The following TANC1 variants were observed in gnomAD, a reference collection of about 807,000 sequenced individuals.
TANC1 encodes tetratricopeptide repeat, ankyrin repeat and coiled-coil containing 1.
Under a neutral mutation model 149.7 loss-of-function variants are expected in TANC1, and 77 were observed. The ratio of observed to expected loss-of-function variants is 0.51; its 90% CI spans 0.43 to 0.62. The LOEUF (loss-of-function observed/expected upper bound fraction) is 0.62, where lower values mean the gene tolerates loss of function less well. TANC1 is among the 20% of genes least tolerant of loss of function. The probability of loss-of-function intolerance (pLI) is 0.00; values close to 1 mark genes in which losing one functional copy is unlikely to be tolerated. For synonymous variants in TANC1, 854 were observed against 925.0 expected, an observed-to-expected ratio of 0.92 and a Z score of 1.39; for missense variants, 1,985 against 2,321.8, an observed-to-expected ratio of 0.85 and a Z score of 2.98.
Position 159,230,390 on chromosome 2 carries a change from G to A in TANC1, c.4964G>A (p.Arg1655Gln), listed in dbSNP as rs774154422. Residue 1655 changes from arginine to glutamine, a missense_variant, in exon 27 of 27, where the codon CGA becomes CAA. Around this residue, in one of 3 missense-constraint regions of TANC1, gnomAD observed 920 missense variants for 994.7 expected, o/e 0.92. Coordinates refer to ENST00000263635, the MANE Select transcript of TANC1 (RefSeq NM_033394.3). The surrounding 1 kb of genome is among the most constrained non-coding windows in gnomAD (Gnocchi z 4.4). ...QGGLATCSDVRHPASLTSSGS... is the reference protein window; with the variant it reads ...QGGLATCSDVQHPASLTSSGS... ...GGGCTGGCGACCTGCAGCGACGTGCGACACCCAGCTTCCCTCACCAGCTCA... is the reference window on the plus strand; with the variant it reads ...GGGCTGGCGACCTGCAGCGACGTGCAACACCCAGCTTCCCTCACCAGCTCA... The A allele has an allele frequency of 2.4e-5, 39 of 1,613,994 alleles. No homozygotes were observed. Among genetic ancestry groups the A allele is most frequent in the African/African-American group, 4.0e-5 (3 of 74,924 alleles).
intron 19 of TANC1, among the ~76,000 whole-genome samples, chr2:159,210,758 G>C (rs1376810124): frequency 6.6e-6 from 1 of 152,118 alleles, no homozygotes. Context: ...AATAGAGACA[G>C]GGTTTCACCA....
At chr2:159,006,343 C>T (rs62174271) in intron 2 of TANC1, among the ~76,000 whole-genome samples, 8,216 of 146,190 alleles carry the variant, frequency 0.056, 317 homozygotes, top group Non-Finnish European at 0.085. Flanking sequence ...CTGAACACTA[C>T]ATTAATACAA....
chr2:159,172,100 G>T (rs1431957910), intron 10 of TANC1, 21 bp from the exon 11 acceptor site: 1 of 1,611,812 alleles, frequency 6.2e-7, no homozygotes, highest in African/African-American at 1.3e-5. Context: ...TGTACATAAT[G>T]AAATGGGTCT....
At chr2:159,131,442 G>A (rs1340296646) in intron 4 of TANC1, among the ~76,000 whole-genome samples, 1 of 151,936 alleles carries the variant, frequency 6.6e-6, no homozygotes, top group Admixed American at 6.5e-5. Context: ...TGTCACCCGC[G>A]CCCCTGCCTT....
Position 159,229,650 on chromosome 2 carries a change from G to A in TANC1, c.4224G>A (p.Arg1408=). The change falls in exon 27 of 27, where the codon AGG becomes AGA. Residue 1408 remains arginine (R), a synonymous_variant. Coordinates refer to ENST00000263635, the MANE Select transcript of TANC1 (RefSeq NM_033394.3). ...GTCCCACCAATCAGGAAGTCAAGAG[G>A]CTTCTGGCCCGCGTAGAAGAGGAGT... is the stretch of plus-strand genomic sequence containing the variant. ...KLCPTNQEVK[R]LLARVEEECK... 1.2e-6 allele frequency: 2 copies of A among 1,614,020 alleles called. No individual in the cohort carries two copies. The highest frequency in any genetic ancestry group is 1.7e-6 in the Non-Finnish European group (2 of 1,180,014).
intron 19 of TANC1, among the ~76,000 whole-genome samples, chr2:159,213,863 C>A (rs907989455): frequency 1.3e-5 from 2 of 152,038 alleles, no homozygotes; most frequent in African/African-American, 4.8e-5. Flanking sequence ...CAGTGGCTCG[C>A]ACCTGTAATC....
At chr2:158,992,279 G>A (rs1026799887) in intron 1 of TANC1, among the ~76,000 whole-genome samples, 7 of 151,544 alleles carry the variant, frequency 4.6e-5, no homozygotes, top group African/African-American at 1.5e-4. Flanking sequence ...TGGGTGGATC[G>A]CTTGAGCCCA....
intron 2 of TANC1, among the ~76,000 whole-genome samples, chr2:159,013,287 C>T (rs1230059311): frequency 6.6e-6 from 1 of 152,146 alleles, no homozygotes; most frequent in Non-Finnish European, 1.5e-5. Context: ...CGTCATATTC[C>T]TGCAGTCAAA....
At chr2:159,132,553 A>G (rs1206248173) in intron 4 of TANC1, among the ~76,000 whole-genome samples, 2 of 151,648 alleles carry the variant, frequency 1.3e-5, no homozygotes, top group Non-Finnish European at 2.9e-5. Context: ...CAGTGGTGTG[A>G]TCTCAGCTCA....
intron 2 of TANC1, among the ~76,000 whole-genome samples, chr2:159,042,474 A>G (rs752426941): frequency 1.3e-4 from 20 of 152,218 alleles, no homozygotes; most frequent in South Asian, 8.3e-4. Context: ...GAATCTTTCA[A>G]TGAGCAAGCG....
chr2:159,187,564 A>G (rs960572828), intron 16 of TANC1, among the ~76,000 whole-genome samples: 1 of 151,934 alleles, frequency 6.6e-6, no homozygotes. Flanking sequence ...TGTTCCACTC[A>G]GCTTTTTAAG....
chr2:159,123,064 TC>T (rs1451069254), intron 4 of TANC1, among the ~76,000 whole-genome samples: 1 of 152,174 alleles, frequency 6.6e-6, no homozygotes, highest in Non-Finnish European at 1.5e-5. Context: ...CAGGTATTTC[TC>T]TAGAGACAAT....
intron 4 of TANC1, among the ~76,000 whole-genome samples, chr2:159,122,190 G>C (rs1307877848): frequency 6.6e-6 from 1 of 152,108 alleles, no homozygotes; most frequent in Non-Finnish European, 1.5e-5. Context: ...TGCCCGCCTT[G>C]GTCTTCCAAA....
intron 5 of TANC1, among the ~76,000 whole-genome samples, chr2:159,142,226 C>T (rs1000494866): frequency 6.6e-6 from 1 of 152,214 alleles, no homozygotes; most frequent in African/African-American, 2.4e-5. Flanking sequence ...CTGTGGACTT[C>T]TAGTCCCCAA....
chr2:159,117,651 C>T (rs1247696230), intron 4 of TANC1, among the ~76,000 whole-genome samples: 1 of 151,562 alleles, frequency 6.6e-6, no homozygotes, highest in Non-Finnish European at 1.5e-5. Context: ...CTGCCTCGGC[C>T]TCCCAAAGTG....
chr2:159,195,901 G>A (rs1437128664), intron 17 of TANC1, among the ~76,000 whole-genome samples: 2 of 152,218 alleles, frequency 1.3e-5, no homozygotes, highest in Non-Finnish European at 2.9e-5. Context: ...GCAAGGCTAG[G>A]CCCTGGGCTC....
intron 19 of TANC1, among the ~76,000 whole-genome samples, chr2:159,203,643 G>A (rs1575235984): frequency 1.3e-5 from 2 of 152,102 alleles, no homozygotes; most frequent in African/African-American, 4.8e-5. Context: ...ACAGTTCACT[G>A]CAGCATCTGC....
At chr2:159,180,052 G>A (rs1270787234) in intron 14 of TANC1, among the ~76,000 whole-genome samples, 1 of 152,196 alleles carries the variant, frequency 6.6e-6, no homozygotes, top group African/African-American at 2.4e-5. Flanking sequence ...CAGAAATGAA[G>A]AGGTGAACAA....
intron 1 of TANC1, among the ~76,000 whole-genome samples, chr2:158,994,983 G>A (rs1353113261): frequency 6.6e-6 from 1 of 152,238 alleles, no homozygotes; most frequent in Non-Finnish European, 1.5e-5. Flanking sequence ...CTTCGAGCTG[G>A]ACAGAGCTGA....
Sources: allele counts gnomAD v4.1 joint callset (sites outside exome capture counted in the v4.1 genomes callset), GRCh38; gene constraint gnomAD v4.1.1; regional missense constraint gnomAD v4.1.1; non-coding constraint Gnocchi (gnomAD v3.1); transcripts MANE v1.5; gene names NCBI Gene and HGNC (gene_info 2026-07-23, HGNC 2026-07-21).